KCNQ1OT1: variants seen among roughly 807,000 people sequenced by gnomAD.
The protein encoded by KCNQ1OT1 is KCNQ1 opposite strand/antisense transcript 1.
exon 1 of KCNQ1OT1, chr11:2,644,607 T>G: frequency 2.5e-6 from 1 of 398,604 alleles, no homozygotes; most frequent in Non-Finnish European, 4.4e-6. Flanking sequence ...GGAGTTGTCA[T>G]GTTTTGCCTT....
At chr11:2,699,736 G>A (rs1443284847) in exon 1 of KCNQ1OT1, 4 of 392,468 alleles carry the variant, frequency 1.0e-5, no homozygotes, top group East Asian at 3.6e-5. Context: ...GGAGAACTGC[G>A]CCGAGGAGCC....
At position 2,679,775 on chromosome 11, in the gene KCNQ1OT1, G is replaced by T. The variant is rs973633275; in HGVS notation, n.20220C>A. 1.3e-4 allele frequency: 50 copies of T among 398,600 alleles called. No homozygotes were observed. In the East Asian group the frequency reaches 1.7e-3, roughly 13 times the overall value. The allele number at this position is 398,600 out of a possible 1,614,324, so 24.7% of individuals were successfully genotyped here. On this transcript the variant is annotated non_coding_transcript_exon_variant, in exon 1 of 1. Transcript: ENST00000597346. This position sits in a 1 kb window ranked among gnomAD's most constrained non-coding sequence, Gnocchi z 4.8. ...AAAATAGTCCCTGCTGCACACTAGG[G>T]CCTGTTAGGCCAGTTGAGGGCTAGA...
Position 2,651,841 on chromosome 11 carries a change from G to T in KCNQ1OT1, n.48154C>A. 1 of 398,670 alleles carries T rather than the reference G, an allele frequency of 2.5e-6. No homozygotes were observed. The highest frequency in any genetic ancestry group is 3.6e-5 in the East Asian group (1 of 28,076). The allele number at this position is 398,670 out of a possible 1,614,324, so 24.7% of individuals were successfully genotyped here. ...GGAGCCCACAGGACCATACCAGACAGATGCCACCACATCTTTTCTTGAAGT... is the reference window on the plus strand; with the variant it reads ...GGAGCCCACAGGACCATACCAGACATATGCCACCACATCTTTTCTTGAAGT... On this transcript the variant is annotated non_coding_transcript_exon_variant, in exon 1 of 1. Coordinates refer to ENST00000597346, the Ensembl canonical transcript of KCNQ1OT1. This position sits in a 1 kb window ranked among gnomAD's most constrained non-coding sequence, Gnocchi z 6.1.
chr11:2,675,661 C>T (rs1445522626), exon 1 of KCNQ1OT1: 2 of 398,554 alleles, frequency 5.0e-6, no homozygotes, highest in South Asian at 1.3e-4. Flanking sequence ...AGGAGCCCGC[C>T]CAGGGCCTGC....
exon 1 of KCNQ1OT1, chr11:2,637,980 A>T: frequency 6.6e-6 from 1 of 152,142 alleles, no homozygotes; most frequent in Non-Finnish European, 1.5e-5. Flanking sequence ...AGTCTGTTTT[A>T]TCAGAGACTA....
exon 1 of KCNQ1OT1, chr11:2,662,335 G>GT (rs1356423164): frequency 3.1e-5 from 18 of 572,222 alleles, no homozygotes; most frequent in Admixed American, 2.7e-4. Context: ...TTTTCCACTT[G>GT]TTTTCATGCT....
chr11:2,668,363 T>A lies in KCNQ1OT1; in HGVS notation n.31632A>T, dbSNP rs1293520283. 5.0e-6 allele frequency: 2 copies of A among 398,646 alleles called. No individual in the cohort carries two copies. Among genetic ancestry groups the A allele is most frequent in the Non-Finnish European group, 8.8e-6 (2 of 226,066 alleles). The allele number at this position is 398,646 out of a possible 1,614,324, so 24.7% of individuals were successfully genotyped here. A position where few individuals can be genotyped will look rare whatever the true frequency, so the allele number is the denominator to read the frequency against. ...GGGTCCTGGGTGGGCATATGTTTACTCTTAGTGAATACTACCCAGCAGTCT... is the reference window on the plus strand; with the variant it reads ...GGGTCCTGGGTGGGCATATGTTTACACTTAGTGAATACTACCCAGCAGTCT... On this transcript the variant is annotated non_coding_transcript_exon_variant, in exon 1 of 1. Coordinates refer to ENST00000597346, the Ensembl canonical transcript of KCNQ1OT1. This position sits in a 1 kb window ranked among gnomAD's most constrained non-coding sequence, Gnocchi z 4.3.
Position 2,673,738 on chromosome 11 carries a change from G to A in KCNQ1OT1, n.26257C>T. ...GGGCTTGGAAGGCCCAGACTGGACA[G>A]GGGAAGGGGTACAGTCCCTTCTTGC... On this transcript the variant is annotated non_coding_transcript_exon_variant, in exon 1 of 1. Transcript: ENST00000597346. This position sits in a 1 kb window ranked among gnomAD's most constrained non-coding sequence, Gnocchi z 4.5. The A allele has an allele frequency of 2.5e-6, 1 of 398,732 alleles. No individual in the cohort carries two copies. The allele number at this position is 398,732 out of a possible 1,614,324, so 24.7% of individuals were successfully genotyped here.
At chr11:2,696,749 A>T (rs1850683108) in exon 1 of KCNQ1OT1, 2 of 398,274 alleles carry the variant, frequency 5.0e-6, no homozygotes, top group South Asian at 2.5e-4. Context: ...GAGTTTTAAA[A>T]TTTTTTCCAT....
chr11:2,619,867 A>G (rs562397614), exon 1 of KCNQ1OT1: 54 of 397,962 alleles, frequency 1.4e-4, no homozygotes, highest in Non-Finnish European at 2.1e-4. Context: ...TTTAACTTTT[A>G]TTTTTGATTT....
In KCNQ1OT1 at chr11:2,666,969, G is replaced by A. The variant is rs1392834685; in HGVS notation, n.33026C>T. On this transcript the variant is annotated non_coding_transcript_exon_variant, in exon 1 of 1. Transcript: ENST00000597346. ...ACGAGATGCCAAGGAAGCCCTCTGG[G>A]GGCCCGCCCGGGAGGGCTGTACAGG... 23 of 398,622 alleles carry A rather than the reference G, an allele frequency of 5.8e-5. No homozygotes were observed. The Admixed American group carries it at 9.7e-4, about 17-fold the overall frequency. The allele number at this position is 398,622 out of a possible 1,614,324, so 24.7% of individuals were successfully genotyped here. A position where few individuals can be genotyped will look rare whatever the true frequency, so the allele number is the denominator to read the frequency against.
exon 1 of KCNQ1OT1, chr11:2,633,003 CATA>C: frequency 2.5e-6 from 1 of 398,418 alleles, no homozygotes; most frequent in South Asian, 1.3e-4. Flanking sequence ...CAGTATTTTC[CATA>C]ATGACTCACT....
exon 1 of KCNQ1OT1, chr11:2,662,937 T>C: frequency 2.5e-6 from 1 of 398,656 alleles, no homozygotes; most frequent in Non-Finnish European, 4.4e-6. Context: ...TGTGTGTCTT[T>C]GTCGTAGTGA....
rs151126111 is a variant in KCNQ1OT1 at position 2,670,094 on chromosome 11, G to A, written n.29901C>T. The A allele has an allele frequency of 5.0e-5, 20 of 398,600 alleles. No homozygotes were observed. In the Admixed American group the frequency reaches 8.4e-4, roughly 17 times the overall value. The allele number at this position is 398,600 out of a possible 1,614,324, so 24.7% of individuals were successfully genotyped here. A position where few individuals can be genotyped will look rare whatever the true frequency, so the allele number is the denominator to read the frequency against. ...GGGTTGGAGGCAGAATCAGTGGACT[G>A]TGTCTCATGGCAGTCACAGGTGCCC... On this transcript the variant is annotated non_coding_transcript_exon_variant, in exon 1 of 1. Coordinates refer to ENST00000597346, the Ensembl canonical transcript of KCNQ1OT1. The surrounding 1 kb of genome is among the most constrained non-coding windows in gnomAD (Gnocchi z 4.9).
rs955642606 is a variant in KCNQ1OT1 at position 2,658,427 on chromosome 11, G to A, written n.41568C>T. ...TTGTTGCTCAAATTGTTCAAGCTGTGGCCACTGGTGGGTTCATGTGTCCTT... is the reference window on the plus strand; with the variant it reads ...TTGTTGCTCAAATTGTTCAAGCTGTAGCCACTGGTGGGTTCATGTGTCCTT... On this transcript the variant is annotated non_coding_transcript_exon_variant, in exon 1 of 1. Transcript: ENST00000597346. The surrounding 1 kb of genome is among the most constrained non-coding windows in gnomAD (Gnocchi z 4.9). The A allele has an allele frequency of 2.5e-6, 1 of 398,486 alleles. No homozygotes were observed. Among genetic ancestry groups the A allele is most frequent in the Non-Finnish European group, 4.4e-6 (1 of 226,036 alleles). 24.7% of individuals were successfully genotyped at this position (398,486 alleles called of 1,614,324 possible).
rs1849272648 is a variant in KCNQ1OT1 at position 2,627,047 on chromosome 11, C to T, written n.72948G>A. 1 of 398,422 alleles carries T rather than the reference C, an allele frequency of 2.5e-6. No homozygotes were observed. Among genetic ancestry groups the T allele is most frequent in the African/African-American group, 2.1e-5 (1 of 48,614 alleles). The allele number at this position is 398,422 out of a possible 1,614,324, so 24.7% of individuals were successfully genotyped here. A position where few individuals can be genotyped will look rare whatever the true frequency, so the allele number is the denominator to read the frequency against. On this transcript the variant is annotated non_coding_transcript_exon_variant, in exon 1 of 1. Transcript: ENST00000597346. This position sits in a 1 kb window ranked among gnomAD's most constrained non-coding sequence, Gnocchi z 4.9. ...ACCTTAACAATATTGGCCTTCCAAT[C>T]CATGAACATAGGAGGTGTTTTCCCT... is the stretch of plus-strand genomic sequence containing the variant.
At chr11:2,610,509 GCTTTGCT>G (rs1848962717) in exon 1 of KCNQ1OT1, 1 of 398,322 alleles carries the variant, frequency 2.5e-6, no homozygotes, top group Non-Finnish European at 4.4e-6. Flanking sequence ...CTCTAGAACA[GCTTTGCT>G]CCTATTTACC....
At chr11:2,685,239 C>A (rs998744060) in exon 1 of KCNQ1OT1, 3 of 398,550 alleles carry the variant, frequency 7.5e-6, no homozygotes, top group African/African-American at 6.2e-5. Context: ...CTTCAGTCCT[C>A]CCATTACCAA....
At chr11:2,632,241 T>A in exon 1 of KCNQ1OT1, 2 of 397,728 alleles carry the variant, frequency 5.0e-6, no homozygotes, top group Non-Finnish European at 8.9e-6. Context: ...CTTACTATCC[T>A]GCTACTTTGC....
Sources: gnomAD v4.1 joint callset for allele counts on GRCh38, gnomAD v4.1.1 for gene constraint, Gnocchi (gnomAD v3.1) non-coding constraint, MANE v1.5 for transcripts, NCBI Gene and HGNC (gene_info 2026-07-23, HGNC 2026-07-21) for gene names.